The following NID1 variants were observed in gnomAD, a reference collection of about 807,000 sequenced individuals.
NID1 encodes nidogen-1.
In NID1, 76 loss-of-function variants were observed where a neutral mutation model predicts 130.6. The ratio of observed to expected loss-of-function variants is 0.58; its 90% CI spans 0.48 to 0.70. The LOEUF is 0.70. Among genes scored for constraint, NID1 ranks in the 30% least tolerant of loss-of-function variants. The pLI is 0.00. For synonymous variants in NID1, 665 were observed against 675.1 expected, an observed-to-expected ratio of 0.98 and a Z score of 0.23; for missense variants, 1,517 against 1,664.8, an observed-to-expected ratio of 0.91 and a Z score of 1.54.
At chr1:236,050,043 A>G (rs1465116103) in intron 1 of NID1, among the ~76,000 whole-genome samples, 33 of 150,834 alleles carry the variant, frequency 2.2e-4, no homozygotes, top group African/African-American at 6.8e-4. Context: ...CTCAGGGGAA[A>G]AAAAAAAAAA....
intron 14 of NID1, among the ~76,000 whole-genome samples, chr1:235,988,961 TG>T (rs1657647052): frequency 6.6e-6 from 1 of 152,178 alleles, no homozygotes; most frequent in African/African-American, 2.4e-5. Context: ...TGCATAACAT[TG>T]TTTATATTCT....
At chr1:236,036,181 CA>C in intron 5 of NID1, among the ~76,000 whole-genome samples, 1 of 152,050 alleles carries the variant, frequency 6.6e-6, no homozygotes, top group Non-Finnish European at 1.5e-5. Context: ...GGAGAAGATA[CA>C]AAAGCCAAGC....
intron 1 of NID1, among the ~76,000 whole-genome samples, chr1:236,063,621 T>C (rs1413856410): frequency 6.6e-6 from 1 of 152,126 alleles, no homozygotes; most frequent in East Asian, 1.9e-4. Context: ...TTTTATTTTA[T>C]GCATTTAAAA....
Position 236,024,134 on chromosome 1 carries a change from A to G in NID1, c.2064T>C (p.Gly688=), listed in dbSNP as rs1424829798. The G allele has an allele frequency of 9.3e-6, 15 of 1,614,128 alleles. No homozygotes were observed. Among genetic ancestry groups the G allele is most frequent in the Non-Finnish European group, 1.2e-5 (14 of 1,180,050 alleles). ...GCDTNAACRP[G]PRTQFTCECS... ...ACTCGCAGGTGAACTGTGTCCTGGG[A>G]CCAGGGCGACAGGCCGCGTTGGTGT... is the stretch of plus-strand genomic sequence containing the variant. The change falls in exon 9 of 20, where the codon GGT becomes GGC. Residue 688 remains glycine, a synonymous_variant. Transcript: ENST00000264187.
intron 4 of NID1, among the ~76,000 whole-genome samples, chr1:236,041,071 C>CT (rs916907777): frequency 1.8e-4 from 27 of 151,358 alleles, no homozygotes; most frequent in Admixed American, 7.9e-4. Context: ...TACTGTAAAA[C>CT]TTTTTTTTTC....
chr1:236,062,139 A>C (rs1387334682), intron 1 of NID1, among the ~76,000 whole-genome samples: 1 of 152,208 alleles, frequency 6.6e-6, no homozygotes, highest in Non-Finnish European at 1.5e-5. Flanking sequence ...CTCGAAATGC[A>C]GTTTGTCTCA....
intron 4 of NID1, among the ~76,000 whole-genome samples, chr1:236,040,978 T>A (rs1388406040): frequency 6.6e-6 from 1 of 152,020 alleles, no homozygotes; most frequent in Non-Finnish European, 1.5e-5. Context: ...ACATCTTTTA[T>A]AAGAAAAATG....
Position 235,993,837 on chromosome 1 carries a change from G to C in NID1, c.2563C>G (p.His855Asp), listed in dbSNP as rs1657838274. Reference sequence around the variant, plus strand: ...GTCGCCCCCGCTGCCCCGAGAATGTGTTCTCGCTCGTGCTGGCACCGGGTT... The same window carrying C: ...GTCGCCCCCGCTGCCCCGAGAATGTCTTCTCGCTCGTGCTGGCACCGGGTT... ...EKTRCQHERE[H>D]ILGAAGATDP... Residue 855 changes from histidine (H) to aspartate (D), a missense_variant, in exon 13 of 20, where the codon CAC (histidine) becomes GAC (aspartate). Physicochemically the swap from His to Asp is moderately conservative, Grantham distance 81. Around this residue, in one of 3 missense-constraint regions of NID1, gnomAD observed 1,329 missense variants for 1,429.2 expected, o/e 0.93. Transcript: ENST00000264187. 1.2e-5 allele frequency: 19 copies of C among 1,613,622 alleles called. No homozygotes were observed. The highest frequency in any genetic ancestry group is 2.2e-5 in the South Asian group (2 of 91,082).
intron 12 of NID1, among the ~76,000 whole-genome samples, chr1:236,003,547 G>A (rs940856259): frequency 6.6e-6 from 1 of 152,176 alleles, no homozygotes; most frequent in Non-Finnish European, 1.5e-5. Flanking sequence ...GAAGGAGGGC[G>A]AGACCAATTG....
rs758268323 is a variant in NID1 at position 236,011,973 on chromosome 1, C to G, written c.2475G>C (p.Thr825=). ...CCTGATAACCAGGTTTGCACTGGCA[C>G]GTGAAAGAGCCTGGAGTGTTGTAGC... ...AFCYNTPGSF[T]CQCKPGYQGD... is the part of the protein sequence containing the mutation. The change falls in exon 12 of 20, where the codon ACG becomes ACC. Residue 825 remains threonine, a synonymous_variant. Coordinates refer to ENST00000264187, the MANE Select transcript of NID1 (RefSeq NM_002508.3). The G allele has an allele frequency of 1.2e-6, 2 of 1,614,102 alleles. No homozygotes were observed. Among genetic ancestry groups the G allele is most frequent in the African/African-American group, 1.3e-5 (1 of 74,948 alleles).
rs73113272 is a variant in NID1 at position 235,981,919 on chromosome 1, C to T, written c.3056-137G>A. On this transcript the variant is annotated intron_variant, in intron 15 of 19. Transcript: ENST00000264187. Reference sequence around the variant, plus strand: ...AGAAACCAAATGGGAATGTGAAATGCTTGTTGTTTATAAGATAAACAACAC... The same window carrying T: ...AGAAACCAAATGGGAATGTGAAATGTTTGTTGTTTATAAGATAAACAACAC... The T allele has an allele frequency of 6.4e-3, 4,874 of 762,082 alleles. 159 individuals are homozygous for T. In the African/African-American group the frequency reaches 0.074, roughly 12 times the overall value. The allele number at this position is 762,082 out of a possible 1,614,324, so 47.2% of individuals were successfully genotyped here. A position where few individuals can be genotyped will look rare whatever the true frequency, so the allele number is the denominator to read the frequency against.
At chr1:236,023,226 C>A (rs1057470577) in intron 9 of NID1, among the ~76,000 whole-genome samples, 1 of 152,086 alleles carries the variant, frequency 6.6e-6, no homozygotes, top group Non-Finnish European at 1.5e-5. Flanking sequence ...CATGCGTCCA[C>A]TGATGGATGG....
chr1:236,014,436 C>T (rs572390704), intron 10 of NID1, among the ~76,000 whole-genome samples: 1 of 152,228 alleles, frequency 6.6e-6, no homozygotes, highest in African/African-American at 2.4e-5. Context: ...AAGCAAAATG[C>T]AATGGTGCCT....
At chr1:236,020,362 T>A (rs1392503039) in intron 9 of NID1, among the ~76,000 whole-genome samples, 1 of 152,182 alleles carries the variant, frequency 6.6e-6, no homozygotes, top group African/African-American at 2.4e-5. Flanking sequence ...AATTTTTCCC[T>A]TTTATAAAGG....
chr1:236,043,671 G>A (rs531074122), intron 3 of NID1, among the ~76,000 whole-genome samples: 9 of 152,232 alleles, frequency 5.9e-5, no homozygotes, highest in South Asian at 4.1e-4. Flanking sequence ...GGTGGTGGGC[G>A]CCTGTAGTCC....
chr1:235,983,016 A>G (rs1657481853), intron 15 of NID1, among the ~76,000 whole-genome samples: 1 of 152,188 alleles, frequency 6.6e-6, no homozygotes, highest in Admixed American at 6.5e-5. Context: ...CTGGGATTAC[A>G]GGTGCGTGCC....
At chr1:236,055,101 G>A (rs1558450940) in intron 1 of NID1, among the ~76,000 whole-genome samples, 1 of 152,026 alleles carries the variant, frequency 6.6e-6, no homozygotes, top group South Asian at 2.1e-4. Flanking sequence ...TCAGGAGATC[G>A]AGACCATCCT....
intron 2 of NID1, among the ~76,000 whole-genome samples, chr1:236,048,485 T>C (rs147411955): frequency 1.4e-3 from 215 of 152,280 alleles, no homozygotes; most frequent in African/African-American, 5.0e-3. Flanking sequence ...TGTCTACTTG[T>C]CATTAAAACG....
chr1:235,992,050 GAC>G (rs999370362), intron 13 of NID1, among the ~76,000 whole-genome samples: 1 of 152,158 alleles, frequency 6.6e-6, no homozygotes, highest in African/African-American at 2.4e-5. Flanking sequence ...TCCCAGGAGG[GAC>G]ACACAACTGT....
Sources: gnomAD v4.1 joint callset for allele counts (sites outside exome capture counted in the v4.1 genomes callset) on GRCh38, gnomAD v4.1.1 for gene constraint, gnomAD v4.1.1 regional missense constraint, MANE v1.5 for transcripts, NCBI Gene and HGNC (gene_info 2026-07-23, HGNC 2026-07-21) for gene names.